The following GALNTL6 variants were observed in gnomAD, a reference collection of about 807,000 sequenced individuals.
GALNTL6 encodes polypeptide N-acetylgalactosaminyltransferase like 6, also known as polypeptide N-acetylgalactosaminyltransferase-like 6.
In GALNTL6, 46 loss-of-function variants were observed where a neutral mutation model predicts 73.7. The ratio of observed to expected loss-of-function variants is 0.62; its 90% CI spans 0.49 to 0.80. The LOEUF is 0.80. GALNTL6 is among the 30% of genes least tolerant of loss of function. The pLI, the probability that GALNTL6 is intolerant of heterozygous loss-of-function variation, is 0.00. For synonymous variants in GALNTL6, 259 were observed against 263.7 expected, an observed-to-expected ratio of 0.98 and a Z score of 0.17; for missense variants, 604 against 755.0, an observed-to-expected ratio of 0.80 and a Z score of 2.34.
chr4:172,944,719 G>C (rs1192343128), intron 9 of GALNTL6, among the ~76,000 whole-genome samples: 3 of 152,134 alleles, frequency 2.0e-5, no homozygotes, highest in East Asian at 1.9e-4. Context: ...TTCATCAACA[G>C]GTAAATGGAG....
intron 2 of GALNTL6, among the ~76,000 whole-genome samples, chr4:172,024,177 T>A (rs73870129): frequency 0.019 from 2,825 of 151,962 alleles, 71 homozygotes; most frequent in African/African-American, 0.055. Flanking sequence ...CCTCTATGCT[T>A]CCATTGAACT....
intron 5 of GALNTL6, among the ~76,000 whole-genome samples, chr4:172,572,745 A>G (rs977674850): frequency 6.6e-6 from 1 of 152,154 alleles, no homozygotes; most frequent in Admixed American, 6.5e-5. Context: ...TTCCATCTGA[A>G]AAACATATAT....
chr4:172,275,155 A>G (rs1319092468), intron 3 of GALNTL6, among the ~76,000 whole-genome samples: 2 of 152,198 alleles, frequency 1.3e-5, no homozygotes, highest in Non-Finnish European at 2.9e-5. Flanking sequence ...AGAGTTACAA[A>G]TAAGTGCTGA....
At chr4:172,858,083 T>C (rs889385063) in intron 7 of GALNTL6, among the ~76,000 whole-genome samples, 42 of 152,302 alleles carry the variant, frequency 2.8e-4, no homozygotes, top group African/African-American at 9.9e-4. Flanking sequence ...TAGTACTCAA[T>C]TTAGATATAA....
intron 5 of GALNTL6, among the ~76,000 whole-genome samples, chr4:172,705,356 G>T (rs1579366723): frequency 1.3e-5 from 2 of 148,314 alleles, no homozygotes. Context: ...ATAGGTTTTT[G>T]CTGCATGGGT....
chr4:172,073,624 A>T (rs1478987684), intron 2 of GALNTL6, among the ~76,000 whole-genome samples: 1 of 152,212 alleles, frequency 6.6e-6, no homozygotes, highest in Non-Finnish European at 1.5e-5. Context: ...ACAAAGGTCA[A>T]GGAATTTTTA....
At chr4:172,004,317 A>G (rs1414710115) in intron 2 of GALNTL6, among the ~76,000 whole-genome samples, 1 of 152,198 alleles carries the variant, frequency 6.6e-6, no homozygotes, top group African/African-American at 2.4e-5. Flanking sequence ...GATCAGTTAC[A>G]GAGATAAAAT....
chr4:172,809,343 T>C lies in GALNTL6; in HGVS notation c.554-18T>C. On this transcript the variant is annotated intron_variant, in intron 5 of 12. Coordinates refer to ENST00000506823, the MANE Select transcript of GALNTL6 (RefSeq NM_001034845.3). The surrounding 1 kb of genome is among the most constrained non-coding windows in gnomAD (Gnocchi z 4.4). ...AATGTTTTGCGTTTTTTCTATGCAT[T>C]CTCTACTTCCTACCTAGAACACCTG... 2 of 1,608,738 alleles carry C rather than the reference T, an allele frequency of 1.2e-6. No individual in the cohort carries two copies. Among genetic ancestry groups the C allele is most frequent in the Non-Finnish European group, 1.7e-6 (2 of 1,176,316 alleles).
intron 2 of GALNTL6, among the ~76,000 whole-genome samples, chr4:172,212,354 G>A (rs751426951): frequency 6.6e-6 from 1 of 151,750 alleles, no homozygotes; most frequent in Non-Finnish European, 1.5e-5. Context: ...TAAAGACGGG[G>A]TTTCACCATG....
At chr4:172,668,115 A>T (rs1170256670) in intron 5 of GALNTL6, 2 of 152,188 alleles carry the variant, frequency 1.3e-5, no homozygotes, top group African/African-American at 4.8e-5. Context: ...ATCCCTGTCT[A>T]GAAAGCATGA....
intron 2 of GALNTL6, among the ~76,000 whole-genome samples, chr4:171,914,392 T>C (rs542437112): frequency 1.3e-5 from 2 of 151,348 alleles, no homozygotes; most frequent in Admixed American, 6.6e-5. Flanking sequence ...AAATGTAAGA[T>C]ACTGAAAATT....
At chr4:172,728,069 C>T (rs370140354) in intron 5 of GALNTL6, among the ~76,000 whole-genome samples, 19 of 152,024 alleles carry the variant, frequency 1.2e-4, no homozygotes, top group Non-Finnish European at 1.6e-4. Context: ...CCTGCCACCA[C>T]GCCTGGCTAA....
At chr4:172,862,420 T>G (rs1744441586) in intron 7 of GALNTL6, among the ~76,000 whole-genome samples, 1 of 152,096 alleles carries the variant, frequency 6.6e-6, no homozygotes, top group African/African-American at 2.4e-5. Flanking sequence ...TTTGGAAAAT[T>G]TGCAGCCTGA....
chr4:172,600,881 G>A (rs889319921), intron 5 of GALNTL6, among the ~76,000 whole-genome samples: 2 of 151,632 alleles, frequency 1.3e-5, no homozygotes. Flanking sequence ...CAAAAATCCA[G>A]ACCTTGAAAA....
chr4:172,198,988 C>T (rs145136722), intron 2 of GALNTL6, among the ~76,000 whole-genome samples: 2 of 152,256 alleles, frequency 1.3e-5, no homozygotes, highest in Non-Finnish European at 2.9e-5. Flanking sequence ...CCTGCTTTTA[C>T]TACTGTTGGC....
intron 5 of GALNTL6, among the ~76,000 whole-genome samples, chr4:172,376,903 C>T (rs917692601): frequency 2.6e-5 from 4 of 152,056 alleles, no homozygotes; most frequent in Non-Finnish European, 5.9e-5. Context: ...GTTGTTTCTT[C>T]CTTCTGTTGG....
At chr4:172,052,828 G>C (rs541238526) in intron 2 of GALNTL6, among the ~76,000 whole-genome samples, 5 of 152,108 alleles carry the variant, frequency 3.3e-5, no homozygotes, top group African/African-American at 9.6e-5. Flanking sequence ...GTCTCTACTA[G>C]CATAAACATA....
At chr4:171,862,843 C>G (rs941386234) in intron 2 of GALNTL6, among the ~76,000 whole-genome samples, 4 of 151,826 alleles carry the variant, frequency 2.6e-5, no homozygotes, top group African/African-American at 7.3e-5. Flanking sequence ...TTTATTAGCC[C>G]CCAAATTATC....
intron 2 of GALNTL6, among the ~76,000 whole-genome samples, chr4:171,950,242 A>G (rs1335866674): frequency 6.6e-6 from 1 of 152,196 alleles, no homozygotes; most frequent in Non-Finnish European, 1.5e-5. Flanking sequence ...GCATTTTAAT[A>G]ACAGATCAAA....
Sources: allele counts gnomAD v4.1 joint callset (sites outside exome capture counted in the v4.1 genomes callset), GRCh38; gene constraint gnomAD v4.1.1; non-coding constraint Gnocchi (gnomAD v3.1); transcripts MANE v1.5; gene names NCBI Gene and HGNC (gene_info 2026-07-23, HGNC 2026-07-21).